Variants in NEXMIF observed in about 807,000 individuals in gnomAD.
The protein encoded by NEXMIF is neurite extension and migration factor.
In NEXMIF, 8 loss-of-function variants were observed where a neutral mutation model predicts 62.1. The observed-to-expected ratio is 0.13, with a 90% CI of 0.08 to 0.23. The LOEUF (loss-of-function observed/expected upper bound fraction) is 0.23, where lower values mean the gene tolerates loss of function less well. Ranked by LOEUF, NEXMIF falls within the 10% of genes least tolerant of loss-of-function variation. The pLI is 1.00. For missense variants in NEXMIF, 976 were observed against 1,113.3 expected, an observed-to-expected ratio of 0.88 and a Z score of 1.75; for synonymous variants, 404 against 416.6, an observed-to-expected ratio of 0.97 and a Z score of 0.37.
intron 1 of NEXMIF, among the ~76,000 whole-genome samples, chrX:74,813,011 G>A (rs1333586462): frequency 8.9e-6 from 1 of 112,031 alleles, no homozygotes; most frequent in African/African-American, 3.2e-5. Context: ...TGGCCTAGCT[G>A]TTTACTTTCT....
intron 1 of NEXMIF, among the ~76,000 whole-genome samples, chrX:74,875,126 G>A (rs1377618641): frequency 9.0e-6 from 1 of 111,421 alleles, no homozygotes; most frequent in African/African-American, 3.3e-5. Context: ...TATTGGCTGT[G>A]AGTTTGTCAT....
At chrX:74,895,797 G>A (rs904955391) in intron 1 of NEXMIF, among the ~76,000 whole-genome samples, 5 of 108,108 alleles carry the variant, frequency 4.6e-5, no homozygotes, top group African/African-American at 1.7e-4. Flanking sequence ...GGAAGGGTAG[G>A]GGGTAGGGGT....
intron 1 of NEXMIF, among the ~76,000 whole-genome samples, chrX:74,876,397 T>A (rs192104023): frequency 4.0e-4 from 45 of 111,562 alleles, no homozygotes; most frequent in Admixed American, 1.9e-3. Context: ...TGCTGAGGAC[T>A]GCTTTGCTTC....
At chrX:74,903,764 T>C (rs2080756976) in intron 1 of NEXMIF, among the ~76,000 whole-genome samples, 1 of 111,712 alleles carries the variant, frequency 9.0e-6, no homozygotes, top group African/African-American at 3.3e-5. Context: ...CATGTTGAAC[T>C]GACTAGAATA....
At chrX:74,751,133 G>A (rs1446816483) in intron 1 of NEXMIF, among the ~76,000 whole-genome samples, 2 of 111,348 alleles carry the variant, frequency 1.8e-5, no homozygotes, top group Non-Finnish European at 3.8e-5. Context: ...GGTGGGCTGA[G>A]GCAGGAGGAT....
intron 1 of NEXMIF, among the ~76,000 whole-genome samples, chrX:74,863,849 G>A (rs934851064): frequency 2.7e-5 from 3 of 112,103 alleles, no homozygotes; most frequent in African/African-American, 9.7e-5. Context: ...GAACAGCAAT[G>A]CAAAAATCCT....
At chrX:74,821,817 C>T (rs931996704) in intron 1 of NEXMIF, among the ~76,000 whole-genome samples, 1 of 111,705 alleles carries the variant, frequency 9.0e-6, no homozygotes, top group Non-Finnish European at 1.9e-5. Context: ...GCAGCCTCCA[C>T]CTCTGGTTTA....
At chrX:74,765,913 T>C (rs1228550976) in intron 1 of NEXMIF, among the ~76,000 whole-genome samples, 4 of 101,376 alleles carry the variant, frequency 3.9e-5, no homozygotes, top group Admixed American at 1.1e-4. Context: ...TGGTGGCACA[T>C]ACCTGTAGTC....
intron 1 of NEXMIF, among the ~76,000 whole-genome samples, chrX:74,840,840 T>G (rs1204449849): frequency 8.9e-6 from 1 of 111,919 alleles, no homozygotes; most frequent in Admixed American, 9.5e-5. Context: ...CACTGTTCTA[T>G]GTGCCTGTTT....
intron 1 of NEXMIF, among the ~76,000 whole-genome samples, chrX:74,878,057 G>C (rs1459639987): frequency 8.9e-6 from 1 of 111,862 alleles, no homozygotes; most frequent in East Asian, 2.8e-4. Context: ...TGGAGGAGGA[G>C]AGTCGCTCTG....
At chrX:74,891,394 A>T (rs1245446445) in intron 1 of NEXMIF, among the ~76,000 whole-genome samples, 1 of 110,781 alleles carries the variant, frequency 9.0e-6, no homozygotes, top group South Asian at 3.9e-4. Context: ...AGCCTAAAGG[A>T]AACTAAAATG....
chrX:74,817,417 T>C (rs774549752), intron 1 of NEXMIF, among the ~76,000 whole-genome samples: 1 of 111,675 alleles, frequency 9.0e-6, no homozygotes, highest in South Asian at 3.7e-4. Context: ...TTCCAAACCA[T>C]CATTTATGAA....
rs1206283764 is a variant in NEXMIF at position 74,789,479 on chromosome X, G to C, written c.-47-43782C>G. On this transcript the variant is annotated intron_variant, in intron 1 of 3. Coordinates refer to ENST00000055682, the MANE Select transcript of NEXMIF (RefSeq NM_001008537.3). ...TAGCAGCATGATTTATAGTCCTTTG[G>C]GTATATATCCAGTAATGGGATGGCT... 2.7e-5 allele frequency among the ~76,000 whole-genome samples: 3 copies of C among 110,242 alleles called. No individual in the cohort carries two copies. In the East Asian group the frequency reaches 8.6e-4, roughly 32 times the overall value.
At chrX:74,905,055 A>G (rs939468258) in intron 1 of NEXMIF, among the ~76,000 whole-genome samples, 1 of 111,657 alleles carries the variant, frequency 9.0e-6, no homozygotes, top group African/African-American at 3.3e-5. Flanking sequence ...GTGGTTACAT[A>G]TTATTTTTAT....
intron 1 of NEXMIF, among the ~76,000 whole-genome samples, chrX:74,869,796 C>T (rs891005325): frequency 9.0e-6 from 1 of 111,185 alleles, no homozygotes; most frequent in Non-Finnish European, 1.9e-5. Flanking sequence ...AACTATACAA[C>T]GTTGATGCAA....
At position 74,735,289 on chromosome X, in the gene NEXMIF, A is replaced by C. The variant is rs779534457; in HGVS notation, c.*4116T>G. On this transcript the variant is annotated 3_prime_UTR_variant, in exon 4 of 4. Transcript: ENST00000055682. Reference sequence around the variant, plus strand: ...TGCTCCATTCTCCTCTTCAGCATAAAAACTTAGCTCTCTTCAATTCTTGGA... The same window carrying C: ...TGCTCCATTCTCCTCTTCAGCATAACAACTTAGCTCTCTTCAATTCTTGGA... The C allele has an allele frequency of 8.9e-6, 1 of 111,797 alleles. No individual in the cohort carries two copies. The highest frequency in any genetic ancestry group is 2.8e-4 in the East Asian group (1 of 3,547). 9.2% of individuals were successfully genotyped at this position (111,797 alleles called of 1,213,427 possible).
At chrX:74,889,078 A>T (rs1485686246) in intron 1 of NEXMIF, among the ~76,000 whole-genome samples, 1 of 112,025 alleles carries the variant, frequency 8.9e-6, no homozygotes, top group Non-Finnish European at 1.9e-5. Flanking sequence ...ATACCTTGAA[A>T]ATTATAAAGC....
chrX:74,918,052 C>A (rs1004690089), intron 1 of NEXMIF, among the ~76,000 whole-genome samples: 2 of 111,277 alleles, frequency 1.8e-5, no homozygotes, highest in African/African-American at 6.5e-5. Context: ...CATAAATATA[C>A]TAATAACATG....
rs61742545 is a variant in NEXMIF at position 74,742,184 on chromosome X, T to C, written c.2373A>G (p.Thr791=). The stretch of plus-strand genomic sequence containing the variant: ...ATGATAAAGGCATTTCAGAAGAGCA[T>C]GTCGTTGGTAGAAAAGTGGAACTCT... ...AAKSSTFLPT[T]CSSEMPLSSA... The change falls in exon 3 of 4, where the codon ACA becomes ACG. Residue 791 remains threonine, a synonymous_variant. Coordinates refer to ENST00000055682, the MANE Select transcript of NEXMIF (RefSeq NM_001008537.3). The C allele has an allele frequency of 1.1e-5, 13 of 1,209,843 alleles. No individual in the cohort carries two copies. Among genetic ancestry groups the C allele is most frequent in the Middle Eastern group, 4.6e-4 (2 of 4,375 alleles).
Sources: allele counts gnomAD v4.1 joint callset (sites outside exome capture counted in the v4.1 genomes callset), GRCh38; gene constraint gnomAD v4.1.1; transcripts MANE v1.5; gene names NCBI Gene and HGNC (gene_info 2026-07-23, HGNC 2026-07-21).